The following ZKSCAN7 variants were observed in gnomAD, a reference collection of about 807,000 sequenced individuals.
ZKSCAN7 encodes zinc finger protein with KRAB and SCAN domains 7.
Under a neutral mutation model 65.3 loss-of-function variants are expected in ZKSCAN7, and 38 were observed. The ratio of observed to expected loss-of-function variants is 0.58; its 90% confidence interval spans 0.45 to 0.76. The LOEUF (loss-of-function observed/expected upper bound fraction) is 0.76. ZKSCAN7 is among the 30% of genes least tolerant of loss of function. The probability of loss-of-function intolerance (pLI) is 0.00; values close to 1 mark genes in which losing one functional copy is unlikely to be tolerated. For synonymous variants in ZKSCAN7, 321 were observed against 321.0 expected (o/e 1.00, Z 0.00); for missense variants, 815 against 913.3 (o/e 0.89, Z 1.39).
chr3:44,577,580 C>T (rs1393136154), intron 5 of ZKSCAN7, among the ~76,000 whole-genome samples: 7 of 152,130 alleles, frequency 4.6e-5, no homozygotes, highest in Non-Finnish European at 8.8e-5. Flanking sequence ...CACACCAGCA[C>T]ATGGTGAGAC....
intron 3 of ZKSCAN7, among the ~76,000 whole-genome samples, chr3:44,566,789 A>T (rs1479397631): frequency 6.7e-6 from 1 of 149,562 alleles, no homozygotes; most frequent in Admixed American, 6.7e-5. Context: ...TGCCACCATG[A>T]CCAGCTCTTT....
chr3:44,569,744 G>C (rs1046029553), intron 5 of ZKSCAN7, among the ~76,000 whole-genome samples, 178 bp from the exon 6 acceptor site: 1 of 151,790 alleles, frequency 6.6e-6, no homozygotes, highest in Non-Finnish European at 1.5e-5. Flanking sequence ...TTGTTTTCCT[G>C]TCCCTAGGGA....
intron 5 of ZKSCAN7, chr3:44,581,057 C>A: frequency 7.0e-7 from 1 of 1,419,566 alleles, no homozygotes; most frequent in South Asian, 1.3e-5. Flanking sequence ...CGGCGCAGGC[C>A]CGGCCGGCCT....
rs1699750537 is a variant in ZKSCAN7 at position 44,570,072 on chromosome 3, A to G, written c.962A>G (p.Glu321Gly). ...GATGTTTGTGAAGATACTTTCAAGG[A>G]GTTAGAAGGACAAACCTCAGATGAA... is the stretch of plus-strand genomic sequence containing the variant. ...TGDVCEDTFK[E>G]LEGQTSDEEG... The change falls in exon 6 of 6, where the codon GAG becomes GGG. Residue 321 changes from glutamate to glycine, a missense_variant. Around this residue, in one of 3 missense-constraint regions of ZKSCAN7, gnomAD observed 578 missense variants for 629.5 expected, o/e 0.92. Coordinates refer to ENST00000426540, the MANE Select transcript of ZKSCAN7 (RefSeq NM_001288590.2). The G allele has an allele frequency of 4.3e-6, 7 of 1,614,068 alleles. No individual in the cohort carries two copies. In the East Asian group the frequency reaches 1.1e-4, roughly 26 times the overall value.
intron 5 of ZKSCAN7, among the ~76,000 whole-genome samples, chr3:44,578,590 C>T (rs995046278): frequency 1.3e-5 from 2 of 152,154 alleles, no homozygotes; most frequent in Admixed American, 6.5e-5. Flanking sequence ...CCCGCTGCAC[C>T]GACTGCAGCT....
intron 2 of ZKSCAN7, among the ~76,000 whole-genome samples, chr3:44,563,539 C>T (rs1699542356): frequency 6.6e-6 from 1 of 152,166 alleles, no homozygotes; most frequent in African/African-American, 2.4e-5. Flanking sequence ...ATCCTCTTCA[C>T]ATTGTGGCAG....
rs1333908409 is a variant in ZKSCAN7, at chr3:44,565,631, C to T, written c.568C>T (p.His190Tyr). The T allele has an allele frequency of 1.2e-6, 2 of 1,606,028 alleles. No individual in the cohort carries two copies. The highest frequency in any genetic ancestry group is 1.7e-6 in the Non-Finnish European group (2 of 1,176,650). ...HLEPPYDPGT[H>Y]HLPSGDFAQC... ...GGAGCCTCCTTATGACCCAGGGACA[C>T]ACCACCTCCCCAGTGGGGACTTCGG... The change falls in exon 3 of 6, where the codon CAC becomes TAC. Residue 190 changes from histidine (H) to tyrosine (Y), a missense_variant. Around this residue, in one of 3 missense-constraint regions of ZKSCAN7, gnomAD observed 227 missense variants for 253.3 expected, o/e 0.90. Transcript: ENST00000426540.
At chr3:44,564,712 C>T (rs999122952) in intron 2 of ZKSCAN7, among the ~76,000 whole-genome samples, 28 of 152,344 alleles carry the variant, frequency 1.8e-4, no homozygotes, top group African/African-American at 6.7e-4. Context: ...GTGTCAGTAG[C>T]ATTATTTGTG....
At chr3:44,574,684 C>A (rs546076144), downstream of ZKSCAN7, among the ~76,000 whole-genome samples, 1 of 152,232 alleles carries the variant, frequency 6.6e-6, no homozygotes, top group South Asian at 2.1e-4. Flanking sequence ...AATCCCAGCA[C>A]TTTGGGAGGC....
At position 44,570,846 on chromosome 3, in the gene ZKSCAN7, A is replaced by G; in HGVS notation, c.1736A>G (p.Tyr579Cys). The G allele has an allele frequency of 6.2e-7, 1 of 1,614,238 alleles. No individual in the cohort carries two copies. The highest frequency in any genetic ancestry group is 8.5e-7 in the Non-Finnish European group (1 of 1,180,042). The change falls in exon 6 of 6, where the codon TAC (tyrosine) becomes TGC (cysteine). Residue 579 changes from tyrosine (Y) to cysteine (C), a missense_variant. By Grantham distance (194) the Tyr-to-Cys change is radical. This residue lies in a region of ZKSCAN7 where 578 missense variants were observed against 629.5 expected (regional missense o/e 0.92). Transcript: ENST00000426540. ...HQSLHTGEKP[Y>C]KCSECGKAFN... ...AGCCTCCATACTGGGGAAAAGCCAT[A>G]CAAATGTAGTGAATGTGGGAAAGCC...
At chr3:44,580,213 G>A in intron 5 of ZKSCAN7, 1 of 1,612,202 alleles carries the variant, frequency 6.2e-7, no homozygotes, top group Non-Finnish European at 8.5e-7. Context: ...TTCAAGTCGT[G>A]TTTGGTCTTC....
intron 5 of ZKSCAN7, chr3:44,580,370 A>G (rs1337973876): frequency 6.2e-7 from 1 of 1,607,580 alleles, no homozygotes; most frequent in Non-Finnish European, 8.5e-7. Flanking sequence ...TGGGACTCTG[A>G]GCTGGACTCA....
At chr3:44,582,446 C>T (rs1700108032) in intron 5 of ZKSCAN7, among the ~76,000 whole-genome samples, 1 of 152,136 alleles carries the variant, frequency 6.6e-6, no homozygotes, top group Non-Finnish European at 1.5e-5. Context: ...GCCTAGTCCA[C>T]AAACTTAAAA....
intron 1 of ZKSCAN7, among the ~76,000 whole-genome samples, chr3:44,556,421 C>T (rs553022334): frequency 1.6e-4 from 25 of 152,318 alleles, no homozygotes; most frequent in African/African-American, 6.0e-4. Flanking sequence ...GTCTCTAGAG[C>T]TTTAGCTCCA....
At chr3:44,576,712 G>T (rs923904241), downstream of ZKSCAN7, among the ~76,000 whole-genome samples, 1 of 152,148 alleles carries the variant, frequency 6.6e-6, no homozygotes, top group East Asian at 1.9e-4. Context: ...AAGCTAAAAG[G>T]TTAGTTGTAA....
chr3:44,563,006 A>G (rs1050019035), intron 2 of ZKSCAN7, among the ~76,000 whole-genome samples: 4 of 152,034 alleles, frequency 2.6e-5, no homozygotes, highest in African/African-American at 7.2e-5. Context: ...TTCTTCTACT[A>G]GATACCCTGA....
In ZKSCAN7 at chr3:44,557,406, A is replaced by T. The variant is rs756779413; in HGVS notation, c.359A>T (p.Glu120Val). The T allele has an allele frequency of 6.2e-7, 1 of 1,614,128 alleles. No individual in the cohort carries two copies. Among genetic ancestry groups the T allele is most frequent in the East Asian group, 2.2e-5 (1 of 44,874 alleles). The change falls in exon 2 of 6, where the codon GAG (glutamate) becomes GTG (valine). Residue 120 changes from glutamate (E) to valine (V), a missense_variant. Around this residue, in one of 3 missense-constraint regions of ZKSCAN7, gnomAD observed 227 missense variants for 253.3 expected, o/e 0.90. Coordinates refer to ENST00000426540, the MANE Select transcript of ZKSCAN7 (RefSeq NM_001288590.2). The stretch of plus-strand genomic sequence containing the variant: ...ACCTGGGTGCAGCTGCATCACCCTG[A>T]GAGTGGTGAGGAGGCTGTGGCTGTG... The part of the protein sequence containing the change: ...LRTWVQLHHP[E>V]SGEEAVAVVE...
At chr3:44,577,677 C>T (rs187965867) in intron 5 of ZKSCAN7, among the ~76,000 whole-genome samples, 53 of 152,234 alleles carry the variant, frequency 3.5e-4, no homozygotes, top group Non-Finnish European at 4.4e-5. Context: ...CACAGATGCC[C>T]GCCCAGCCCC....
In ZKSCAN7 at chr3:44,570,013, C is replaced by G. The variant is rs763405742; in HGVS notation, c.903C>G (p.Leu301=). Residue 301 remains leucine (L), a synonymous_variant, in exon 6 of 6, where the codon CTC becomes CTG. Coordinates refer to ENST00000426540, the MANE Select transcript of ZKSCAN7 (RefSeq NM_001288590.2). ...CATCTAACAGGACATCAGGGGGACT[C>G]TTTGGGGTGGTTCCTGGGGCAGCAG... ...SESSNRTSGG[L]FGVVPGAAET... The G allele has an allele frequency of 6.2e-7, 1 of 1,613,210 alleles. No individual in the cohort carries two copies. The highest frequency in any genetic ancestry group is 2.2e-5 in the East Asian group (1 of 44,866).
Sources: allele counts gnomAD v4.1 joint callset (sites outside exome capture counted in the v4.1 genomes callset), GRCh38; gene constraint gnomAD v4.1.1; regional missense constraint gnomAD v4.1.1; transcripts MANE v1.5; gene names NCBI Gene and HGNC (gene_info 2026-07-23, HGNC 2026-07-21).